TMEM114: variants seen among roughly 807,000 people sequenced by gnomAD.
TMEM114 encodes claudin-26.
A neutral mutation model predicts 6.2 loss-of-function variants in TMEM114; 6 were observed. The observed-to-expected ratio is 0.97, with a 90% confidence interval of 0.53 to 1.91. TMEM114 has a LOEUF of 1.91. Ranked by LOEUF, TMEM114 falls within the 40% of genes most tolerant of loss-of-function variation. The pLI is 0.01. For synonymous variants in TMEM114, 104 were observed against 73.0 expected (o/e 1.42, Z -2.16); for missense variants, 218 against 158.3 (o/e 1.38, Z -2.02).
At chr16:8,559,095 T>C (rs914026970) in intron 2 of TMEM114, among the ~76,000 whole-genome samples, 1 of 151,660 alleles carries the variant, frequency 6.6e-6, no homozygotes, top group Admixed American at 6.6e-5. Context: ...CAGGCTGGAG[T>C]GCAGTGGCAT....
At chr16:8,588,913 C>G (rs1902397766) in intron 2 of TMEM114, among the ~76,000 whole-genome samples, 1 of 152,234 alleles carries the variant, frequency 6.6e-6, no homozygotes, top group Non-Finnish European at 1.5e-5. Flanking sequence ...CACATTTGTC[C>G]CAGCACCACT....
At chr16:8,528,876 G>T in the TMEM114 span, among the ~76,000 whole-genome samples, 1 of 152,204 alleles carries the variant, frequency 6.6e-6, no homozygotes, top group Non-Finnish European at 1.5e-5. Flanking sequence ...GGCATTCTTG[G>T]TAGGGGGGAT....
chr16:8,569,669 C>T lies in TMEM114; in HGVS notation c.*104G>A. 4 of 1,445,554 alleles carry T rather than the reference C, an allele frequency of 2.8e-6. No individual in the cohort carries two copies. The highest frequency in any genetic ancestry group is 2.9e-5 in the South Asian group (2 of 68,364). The allele number at this position is 1,445,554 out of a possible 1,614,324, so 89.5% of individuals were successfully genotyped here. ...GGGGAAGGAGGGGGGTGCCTGGCCT[C>T]CCCGAGTGGCCTTTGAGGAAGAAGA... On this transcript the variant is annotated 3_prime_UTR_variant, in exon 4 of 4. Transcript: ENST00000620492.
chr16:8,551,892 T>C (rs756918732), intron 2 of TMEM114, among the ~76,000 whole-genome samples: 10 of 152,138 alleles, frequency 6.6e-5, no homozygotes, highest in Non-Finnish European at 1.5e-4. Context: ...ATCAGAACCA[T>C]GGAATACTAC....
chr16:8,564,182 T>G, intron 2 of TMEM114, among the ~76,000 whole-genome samples: 1 of 150,948 alleles, frequency 6.6e-6, no homozygotes, highest in East Asian at 1.9e-4. Flanking sequence ...AATGAGTGAG[T>G]GAGTGCATGA....
intron 2 of TMEM114, among the ~76,000 whole-genome samples, chr16:8,542,973 T>A (rs1248797052): frequency 1.3e-5 from 2 of 152,136 alleles, no homozygotes; most frequent in Non-Finnish European, 2.9e-5. Context: ...ACAAGCAACA[T>A]GAAAATGTTA....
At chr16:8,547,159 T>C (rs1042053728) in intron 2 of TMEM114, among the ~76,000 whole-genome samples, 3 of 150,664 alleles carry the variant, frequency 2.0e-5, no homozygotes, top group African/African-American at 7.4e-5. Flanking sequence ...AAAAGGGGGG[T>C]CGTCAAGGAA....
At chr16:8,565,140 G>C (rs140794532), downstream of TMEM114, among the ~76,000 whole-genome samples, 2 of 151,412 alleles carry the variant, frequency 1.3e-5, no homozygotes, top group Admixed American at 6.6e-5. Flanking sequence ...CAAATGGATG[G>C]ATAATGATGG....
chr16:8,543,887 A>G (rs895806667), intron 2 of TMEM114, among the ~76,000 whole-genome samples: 1 of 152,236 alleles, frequency 6.6e-6, no homozygotes, highest in Non-Finnish European at 1.5e-5. Flanking sequence ...CAAAGTCCAT[A>G]ACATAGGAAC....
At chr16:8,567,166 C>T (rs1901574420), downstream of TMEM114, among the ~76,000 whole-genome samples, 1 of 151,934 alleles carries the variant, frequency 6.6e-6, no homozygotes, top group African/African-American at 2.4e-5. Flanking sequence ...GTCTTGGCAT[C>T]CCAAAGTGCT....
At chr16:8,562,350 GA>G (rs1901269637) in intron 2 of TMEM114, among the ~76,000 whole-genome samples, 1 of 151,532 alleles carries the variant, frequency 6.6e-6, no homozygotes, top group Non-Finnish European at 1.5e-5. Flanking sequence ...ATGAGTGAGT[GA>G]GTGAATTAGT....
At chr16:8,540,617 T>A (rs1489437633) in intron 2 of TMEM114, among the ~76,000 whole-genome samples, 1 of 140,156 alleles carries the variant, frequency 7.1e-6, no homozygotes, top group South Asian at 2.2e-4. Flanking sequence ...TGAAGTAGAA[T>A]TCAATTCATT....
intron 2 of TMEM114, among the ~76,000 whole-genome samples, chr16:8,562,431 A>G (rs1003529763): frequency 2.0e-5 from 3 of 151,550 alleles, no homozygotes; most frequent in Non-Finnish European, 4.4e-5. Context: ...TGAATAAGTG[A>G]GTGAGTGAAT....
At chr16:8,546,870 T>C (rs950544187) in intron 2 of TMEM114, among the ~76,000 whole-genome samples, 1 of 152,256 alleles carries the variant, frequency 6.6e-6, no homozygotes, top group Admixed American at 6.5e-5. Context: ...CTGACTCCCT[T>C]GCTATGGCAA....
chr16:8,582,102 C>T (rs1176792358), intron 2 of TMEM114, among the ~76,000 whole-genome samples: 1 of 152,192 alleles, frequency 6.6e-6, no homozygotes, highest in Non-Finnish European at 1.5e-5. Context: ...ACTGGAAATC[C>T]AATCTTGTGA....
chr16:8,534,412 G>T (rs1219061675), downstream of TMEM114, among the ~76,000 whole-genome samples: 1 of 152,068 alleles, frequency 6.6e-6, no homozygotes, highest in African/African-American at 2.4e-5. Flanking sequence ...CTCCTACAGG[G>T]ATAATGTGAG....
At chr16:8,549,956 C>G (rs1288333593) in intron 2 of TMEM114, among the ~76,000 whole-genome samples, 3 of 152,332 alleles carry the variant, frequency 2.0e-5, no homozygotes, top group Admixed American at 6.5e-5. Context: ...CCCAAAACCT[C>G]AAAACCAGGG....
intron 2 of TMEM114, among the ~76,000 whole-genome samples, chr16:8,545,398 T>A (rs919675337): frequency 6.6e-6 from 1 of 152,138 alleles, no homozygotes; most frequent in Non-Finnish European, 1.5e-5. Flanking sequence ...ATCATACCAC[T>A]GCACTCACCC....
chr16:8,574,745 G>A (rs775785186), intron 2 of TMEM114, among the ~76,000 whole-genome samples: 1 of 152,072 alleles, frequency 6.6e-6, no homozygotes, highest in Non-Finnish European at 1.5e-5. Flanking sequence ...AATTAATGAG[G>A]TTTCCCAGAG....
Sources: gnomAD v4.1 joint callset for allele counts (sites outside exome capture counted in the v4.1 genomes callset) on GRCh38, gnomAD v4.1.1 for gene constraint, MANE v1.5 for transcripts, NCBI Gene and HGNC (gene_info 2026-07-23, HGNC 2026-07-21) for gene names.